Variants in ZNF469 observed in about 807,000 individuals in gnomAD.
ZNF469 encodes zinc finger protein 469.
ZNF469 carries 1 observed loss-of-function variant against 1.0 expected under a neutral mutation model. The observed-to-expected ratio is 1.00, with a 90% confidence interval of 0.35 to 4.73. The LOEUF is 4.73. ZNF469 is among the 30% of genes most tolerant of loss of function. ZNF469 has a pLI of 0.16. For synonymous variants in ZNF469, 2,703 were observed against 2,363.4 expected (o/e 1.14, Z -4.17); for missense variants, 6,100 against 5,356.3 (o/e 1.14, Z -4.33).
chr16:88,274,073 G>T, the ZNF469 span, among the ~76,000 whole-genome samples: 1 of 152,198 alleles, frequency 6.6e-6, no homozygotes, highest in Non-Finnish European at 1.5e-5. Flanking sequence ...AAAGTGCTGG[G>T]ATTACAGGCG....
the ZNF469 span, among the ~76,000 whole-genome samples, chr16:88,245,441 G>A: frequency 6.6e-6 from 1 of 150,922 alleles, no homozygotes; most frequent in African/African-American, 2.4e-5. Context: ...TCCCGCAGCC[G>A]CTGTGAGACT....
the ZNF469 span, among the ~76,000 whole-genome samples, chr16:88,115,777 C>T: frequency 6.6e-6 from 1 of 152,048 alleles, no homozygotes; most frequent in Admixed American, 6.5e-5. Context: ...TCCGGAGGCT[C>T]TGGGTCCTTC....
chr16:88,255,074 A>G, the ZNF469 span, among the ~76,000 whole-genome samples: 1 of 152,328 alleles, frequency 6.6e-6, no homozygotes, highest in Non-Finnish European at 1.5e-5. Flanking sequence ...GACATGTACG[A>G]TATGGGCTGT....
chr16:88,155,849 C>G, the ZNF469 span, among the ~76,000 whole-genome samples: 6 of 152,226 alleles, frequency 3.9e-5, no homozygotes, highest in African/African-American at 1.4e-4. Context: ...TGAGAAGCTG[C>G]ACCATGACGT....
the ZNF469 span, among the ~76,000 whole-genome samples, chr16:88,302,156 C>T: frequency 1.3e-5 from 2 of 152,138 alleles, no homozygotes; most frequent in African/African-American, 2.4e-5. Context: ...GTGGGAGACT[C>T]GGGGGGTAAC....
At chr16:88,368,066 C>G in the ZNF469 span, among the ~76,000 whole-genome samples, 4 of 152,248 alleles carry the variant, frequency 2.6e-5, no homozygotes, top group Admixed American at 1.3e-4. Context: ...TAGGACTTGC[C>G]TTCGCATAAT....
At chr16:88,242,157 C>G in the ZNF469 span, among the ~76,000 whole-genome samples, 1 of 152,222 alleles carries the variant, frequency 6.6e-6, no homozygotes, top group African/African-American at 2.4e-5. Flanking sequence ...GCCCAGCGCT[C>G]TGCAACCGGC....
chr16:88,104,800 C>T, the ZNF469 span, among the ~76,000 whole-genome samples: 1 of 152,174 alleles, frequency 6.6e-6, no homozygotes, highest in Non-Finnish European at 1.5e-5. Flanking sequence ...GTGCTCCCCA[C>T]CCCTCCCTTT....
chr16:88,361,202 G>A, the ZNF469 span, among the ~76,000 whole-genome samples: 1 of 152,260 alleles, frequency 6.6e-6, no homozygotes, highest in East Asian at 1.9e-4. Flanking sequence ...AGAATCTAAT[G>A]CCACTGATCT....
chr16:88,336,148 C>T, the ZNF469 span, among the ~76,000 whole-genome samples: 22,461 of 148,430 alleles, frequency 0.15, 1,741 homozygotes, highest in Non-Finnish European at 0.22. Flanking sequence ...TCATCCTTCA[C>T]GTGAGACACT....
rs1260513064 is a variant in ZNF469 at position 88,382,963 on chromosome 16, C to A, written c.-483C>A. On this transcript the variant is annotated 5_prime_UTR_variant, in exon 1 of 3. Coordinates refer to ENST00000565624, the MANE Select transcript of ZNF469 (RefSeq NM_001367624.2). ...CCGCCCCAGCCTCCGGGGGGCAGAC[C>A]CCGCGGCCGCCGGCCGGCGTCCGGC... 6.6e-6 allele frequency among the ~76,000 whole-genome samples: 1 copy of A among 151,812 alleles called. No individual in the cohort carries two copies. The highest frequency in any genetic ancestry group is 1.5e-5 in the Non-Finnish European group (1 of 67,892).
the ZNF469 span, among the ~76,000 whole-genome samples, chr16:88,364,689 C>T: frequency 8.5e-5 from 13 of 152,264 alleles, no homozygotes; most frequent in East Asian, 1.5e-3. Context: ...ATAGACTGGG[C>T]GCAGTGAGTC....
At chr16:88,371,625 T>A in the ZNF469 span, among the ~76,000 whole-genome samples, 1 of 152,202 alleles carries the variant, frequency 6.6e-6, no homozygotes, top group Admixed American at 6.5e-5. Context: ...ACACTCATGC[T>A]TACAGTAGGC....
At chr16:88,258,487 C>T in the ZNF469 span, among the ~76,000 whole-genome samples, 3 of 149,220 alleles carry the variant, frequency 2.0e-5, no homozygotes, top group African/African-American at 7.4e-5. Flanking sequence ...CTGGAGCCAT[C>T]GGCTAAAGGA....
In ZNF469 at chr16:88,438,813, C is replaced by T. The variant is rs932252753; in HGVS notation, c.11343C>T (p.Pro3781=). 3.2e-5 allele frequency: 50 copies of T among 1,550,178 alleles called. No individual in the cohort carries two copies. The highest frequency in any genetic ancestry group is 1.2e-4 in the East Asian group (5 of 40,918). Residue 3781 remains proline, a synonymous_variant, in exon 3 of 3, where the codon CCC becomes CCT. Coordinates refer to ENST00000565624, the MANE Select transcript of ZNF469 (RefSeq NM_001367624.2). ...PSRSPAPERL[P]ARAQAKSCTK... is the part of the protein sequence containing the mutation. Reference sequence around the variant, plus strand: ...GGAGCCCTGCACCAGAGAGGCTCCCCGCTCGAGCCCAAGCCAAGAGCTGCA... The same window carrying T: ...GGAGCCCTGCACCAGAGAGGCTCCCTGCTCGAGCCCAAGCCAAGAGCTGCA...
chr16:88,380,576 C>T (rs1235537976), upstream of ZNF469, among the ~76,000 whole-genome samples: 1 of 148,470 alleles, frequency 6.7e-6, no homozygotes, highest in Non-Finnish European at 1.5e-5. Flanking sequence ...GACGCCCTCA[C>T]ACAGACATGC....
chr16:88,233,924 T>G, the ZNF469 span, among the ~76,000 whole-genome samples: 2 of 152,256 alleles, frequency 1.3e-5, no homozygotes, highest in Non-Finnish European at 2.9e-5. Context: ...AATTTGAACC[T>G]TGGTTTAGGG....
Position 88,429,898 on chromosome 16 carries a change from G to A in ZNF469, c.2428G>A (p.Asp810Asn), listed in dbSNP as rs1273508031. 1 of 1,550,060 alleles carries A rather than the reference G, an allele frequency of 6.5e-7. No individual in the cohort carries two copies. Among genetic ancestry groups the A allele is most frequent in the Admixed American group, 2.0e-5 (1 of 50,992 alleles). The change falls in exon 3 of 3, where the codon GAC becomes AAC. Residue 810 changes from aspartate to asparagine, a missense_variant. Coordinates refer to ENST00000565624, the MANE Select transcript of ZNF469 (RefSeq NM_001367624.2). The part of the protein sequence containing the change: ...AGDAQAEGKD[D>N]PLRTGFLPSL... ...GGACGCCCAGGCCGAGGGCAAAGAC[G>A]ACCCCCTGAGGACAGGCTTCCTGCC...
the ZNF469 span, among the ~76,000 whole-genome samples, chr16:88,323,637 A>G: frequency 2.0e-5 from 3 of 151,936 alleles, no homozygotes; most frequent in South Asian, 6.2e-4. Context: ...GATCTCCCTG[A>G]CCCCCACTTT....
Sources: gnomAD v4.1 joint callset for allele counts (sites outside exome capture counted in the v4.1 genomes callset) on GRCh38, gnomAD v4.1.1 for gene constraint, MANE v1.5 for transcripts, NCBI Gene and HGNC (gene_info 2026-07-23, HGNC 2026-07-21) for gene names.